The following PNO1 variants were observed in gnomAD, a reference collection of about 807,000 sequenced individuals.
PNO1 encodes RNA-binding protein PNO1.
In PNO1, 16 loss-of-function variants were observed where a neutral mutation model predicts 28.4. The observed-to-expected ratio is 0.56, with a 90% CI of 0.38 to 0.85. The LOEUF (loss-of-function observed/expected upper bound fraction) is 0.85. Among genes scored for constraint, PNO1 ranks in the 40% least tolerant of loss-of-function variants. The pLI is 0.00. For missense variants in PNO1, 304 were observed against 312.2 expected (o/e 0.97, Z 0.20); for synonymous variants, 115 against 110.8 (o/e 1.04, Z -0.24).
Position 68,170,726 on chromosome 2 carries a change from G to C in PNO1, c.621-2621G>C, listed in dbSNP as rs546669931. ...TTGCGCCACTGCACTCCAGCCTGGGGGACAGAGCAAGACTCCGTCTCAAAA... is the reference window on the plus strand; with the variant it reads ...TTGCGCCACTGCACTCCAGCCTGGGCGACAGAGCAAGACTCCGTCTCAAAA... On this transcript the variant is annotated intron_variant, in intron 5 of 6. Coordinates refer to ENST00000263657, the MANE Select transcript of PNO1 (RefSeq NM_020143.4). Among the ~76,000 whole-genome samples the C allele has an allele frequency of 7.2e-4, 91 of 125,732 alleles. 1 individual carries two copies. The highest frequency in any genetic ancestry group is 1.1e-3 in the Non-Finnish European group (70 of 63,378). 82.5% of individuals were successfully genotyped at this position (125,732 alleles called of 152,430 possible).
intron 5 of PNO1, among the ~76,000 whole-genome samples, chr2:68,163,679 G>A (rs915587575): frequency 1.2e-4 from 18 of 152,180 alleles, no homozygotes; most frequent in African/African-American, 4.3e-4. Flanking sequence ...TCTACTTTAT[G>A]TATATACATA....
chr2:68,161,573 G>T, intron 2 of PNO1, 110 bp from the exon 3 acceptor site: 1 of 708,140 alleles, frequency 1.4e-6, no homozygotes, highest in Non-Finnish European at 2.5e-6. Context: ...GGGAAAGGTG[G>T]TGGTGAAGGA....
At chr2:68,161,466 G>C (rs1673828979) in intron 2 of PNO1, 2 of 536,538 alleles carry the variant, frequency 3.7e-6, no homozygotes, top group South Asian at 2.0e-5. Context: ...GACACTCTTT[G>C]GGTGGAACAG....
At chr2:68,164,669 C>T (rs763370942) in intron 5 of PNO1, among the ~76,000 whole-genome samples, 1 of 152,036 alleles carries the variant, frequency 6.6e-6, no homozygotes, top group Non-Finnish European at 1.5e-5. Context: ...TGATTGTGCA[C>T]ACCTGTAGCC....
chr2:68,171,340 T>G (rs1263323318), intron 5 of PNO1, among the ~76,000 whole-genome samples: 1 of 152,246 alleles, frequency 6.6e-6, no homozygotes, highest in African/African-American at 2.4e-5. Flanking sequence ...GCATTCTGGC[T>G]GCACAGCCAT....
intron 5 of PNO1, among the ~76,000 whole-genome samples, chr2:68,168,660 C>T (rs948103972): frequency 1.3e-5 from 2 of 152,118 alleles, no homozygotes; most frequent in Non-Finnish European, 2.9e-5. Flanking sequence ...GTCTTGTTTA[C>T]AATTTGATAT....
rs1673947119 is a variant in PNO1 at position 68,165,248 on chromosome 2, C to T, written c.620+2585C>T. 2.0e-5 allele frequency among the ~76,000 whole-genome samples: 3 copies of T among 150,610 alleles called. No individual in the cohort carries two copies. The South Asian group carries it at 6.3e-4, about 32-fold the overall frequency. On this transcript the variant is annotated intron_variant, in intron 5 of 6. Transcript: ENST00000263657. Reference sequence around the variant, plus strand: ...GCGTAGTGGCGGGCGCCTGTAGTCCCAGCTACTTGGGAGGCTGAGGCAGGA... The same window carrying T: ...GCGTAGTGGCGGGCGCCTGTAGTCCTAGCTACTTGGGAGGCTGAGGCAGGA...
intron 5 of PNO1, among the ~76,000 whole-genome samples, chr2:68,163,553 A>G (rs13007088): frequency 3.8e-4 from 40 of 105,136 alleles, no homozygotes; most frequent in East Asian, 3.3e-3. Flanking sequence ...ACATACATAC[A>G]TACATACATA....
chr2:68,173,707 T>C (rs897053386), intron 6 of PNO1, among the ~76,000 whole-genome samples: 2 of 150,610 alleles, frequency 1.3e-5, no homozygotes, highest in African/African-American at 2.4e-5. Flanking sequence ...CTCAGACTCA[T>C]GAGTAGCTGA....
At chr2:68,168,921 C>CTTT (rs57701897) in intron 5 of PNO1, among the ~76,000 whole-genome samples, 97 of 72,462 alleles carry the variant, frequency 1.3e-3, no homozygotes, top group Non-Finnish European at 1.6e-3. Flanking sequence ...CAGCTTTTTT[C>CTTT]TTTTTTTTTT....
At chr2:68,174,677 C>T in intron 6 of PNO1, 58 bp from the exon 7 acceptor site, 1 of 1,182,446 alleles carries the variant, frequency 8.5e-7, no homozygotes, top group East Asian at 2.4e-5. Flanking sequence ...TGAGGGACAA[C>T]TGTAGGCGCT....
At position 68,173,596 on chromosome 2, in the gene PNO1, T is replaced by C. The variant is rs980688417; in HGVS notation, c.691+179T>C. On this transcript the variant is annotated intron_variant, in intron 6 of 6. Transcript: ENST00000263657. ...GTAGAATTTTTTTTTTTTTTTTTTTTTTCTGAGCCAGAGTCTCGCTGTGTC... is the reference window on the plus strand; with the variant it reads ...GTAGAATTTTTTTTTTTTTTTTTTTCTTCTGAGCCAGAGTCTCGCTGTGTC... 1.3e-3 allele frequency among the ~76,000 whole-genome samples: 187 copies of C among 149,204 alleles called. 1 individual carries two copies. The highest frequency in any genetic ancestry group is 4.4e-3 in the African/African-American group (177 of 40,360).
intron 5 of PNO1, among the ~76,000 whole-genome samples, chr2:68,170,747 CAAAAAA>C (rs767088135): frequency 1.6e-5 from 1 of 61,098 alleles, no homozygotes; most frequent in African/African-American, 5.7e-5. Flanking sequence ...GACTCCGTCT[CAAAAAA>C]AAAAAAAAAA....
rs1674236628 is a variant in PNO1, at chr2:68,174,973, T to G, written c.*171T>G. On this transcript the variant is annotated 3_prime_UTR_variant, in exon 7 of 7. Coordinates refer to ENST00000263657, the MANE Select transcript of PNO1 (RefSeq NM_020143.4). The stretch of plus-strand genomic sequence containing the variant: ...AAGAAAGATTTAAGAGGATTCACAC[T>G]CAACAGGTTTTAGGATAATTTAAAT... 1 of 511,156 alleles carries G rather than the reference T, an allele frequency of 2.0e-6. No homozygotes were observed. The highest frequency in any genetic ancestry group is 1.9e-5 in the African/African-American group (1 of 52,072). 31.7% of individuals were successfully genotyped at this position (511,156 alleles called of 1,614,324 possible).
rs369225573 is a variant in PNO1, at chr2:68,161,813, A to G, written c.441+47A>G. 1.2e-4 allele frequency: 146 copies of G among 1,238,564 alleles called. 1 individual carries two copies. The highest frequency in any genetic ancestry group is 1.5e-4 in the African/African-American group (10 of 67,882). 76.7% of individuals were successfully genotyped at this position (1,238,564 alleles called of 1,614,324 possible). A position where few individuals can be genotyped will look rare whatever the true frequency, so the allele number is the denominator to read the frequency against. On this transcript the variant is annotated intron_variant, in intron 3 of 6. Transcript: ENST00000263657. ...AAAATGGGGACTTTAAAAATATTCAATGTGAACATTTCAATGGATTAGGCA... is the reference window on the plus strand; with the variant it reads ...AAAATGGGGACTTTAAAAATATTCAGTGTGAACATTTCAATGGATTAGGCA...
intron 2 of PNO1, among the ~76,000 whole-genome samples, chr2:68,159,558 T>C (rs1383988248): frequency 2.6e-5 from 4 of 152,132 alleles, no homozygotes; most frequent in Non-Finnish European, 5.9e-5. Flanking sequence ...GACATTTAAA[T>C]TTACTTTGGG....
chr2:68,173,152 T>G, intron 5 of PNO1, 195 bp from the exon 6 acceptor site: 3 of 265,784 alleles, frequency 1.1e-5, no homozygotes, highest in Non-Finnish European at 2.1e-5. Flanking sequence ...CATGTTGCAC[T>G]CTACAGGCAC....
rs1381094336 is a variant in PNO1, at chr2:68,157,958, G to C, written c.24G>C (p.Gln8His). The C allele has an allele frequency of 1.2e-6, 2 of 1,614,126 alleles. No individual in the cohort carries two copies. The change falls in exon 1 of 7, where the codon CAG (glutamine) becomes CAC (histidine). Residue 8 changes from glutamine (Q) to histidine (H), a missense_variant. Physicochemically the swap from Gln to His is conservative, Grantham distance 24 (BLOSUM62 0). Coordinates refer to ENST00000263657, the MANE Select transcript of PNO1 (RefSeq NM_020143.4). ...GGATGGAATCCGAAATGGAAACGCA[G>C]AGCGCCAGGGCAGAGGAGGGCTTTA... is the stretch of plus-strand genomic sequence containing the variant. MESEMET[Q>H]SARAEEGFTQ...
chr2:68,173,360 C>A lies in PNO1; in HGVS notation c.634C>A (p.Leu212Ile). Reference protein sequence around the residue: ...IVLADVKVHILGSFQNIKMAR... With the variant: ...IVLADVKVHIIGSFQNIKMAR... The stretch of plus-strand genomic sequence containing the variant: ...TATTTCTTTCAGGAAAGTTCACATC[C>A]TTGGCTCCTTCCAAAATATCAAGAT... Residue 212 changes from leucine to isoleucine, a missense_variant, in exon 6 of 7, where the codon CTT becomes ATT. Leu to Ile is a conservative substitution (Grantham distance 5). Transcript: ENST00000263657. 1 of 1,601,674 alleles carries A rather than the reference C, an allele frequency of 6.2e-7. No homozygotes were observed. The highest frequency in any genetic ancestry group is 8.6e-7 in the Non-Finnish European group (1 of 1,169,008).
Sources: allele counts gnomAD v4.1 joint callset (sites outside exome capture counted in the v4.1 genomes callset), GRCh38; gene constraint gnomAD v4.1.1; transcripts MANE v1.5; gene names NCBI Gene and HGNC (gene_info 2026-07-23, HGNC 2026-07-21).